Variants in DAB1 observed in about 807,000 individuals in gnomAD.
DAB1 encodes DAB adaptor protein 1.
A neutral mutation model predicts 64.6 loss-of-function variants in DAB1; 15 were observed. The observed-to-expected ratio is 0.23, with a 90% CI of 0.16 to 0.36. The LOEUF (loss-of-function observed/expected upper bound fraction) is 0.36, where lower values mean the gene tolerates loss of function less well. Among genes scored for constraint, DAB1 ranks in the 10% least tolerant of loss-of-function variants. The pLI, the probability that DAB1 is intolerant of heterozygous loss-of-function variation, is 1.00. For synonymous variants in DAB1, 235 were observed against 251.9 expected (o/e 0.93, Z 0.64); for missense variants, 596 against 706.7 (o/e 0.84, Z 1.78).
intron 7 of DAB1, among the ~76,000 whole-genome samples, chr1:57,479,337 C>A (rs1432086750): frequency 6.6e-6 from 1 of 151,438 alleles, no homozygotes; most frequent in Non-Finnish European, 1.5e-5. Flanking sequence ...GGATGCTGGT[C>A]GGTGGGACAT....
intron 7 of DAB1, among the ~76,000 whole-genome samples, chr1:57,468,460 T>C (rs922788531): frequency 1.9e-4 from 29 of 152,298 alleles, no homozygotes; most frequent in Admixed American, 5.2e-4. Context: ...ATTAAGCTAA[T>C]GAGCAATAGG....
At chr1:57,909,605 A>T (rs1644610325) in intron 5 of DAB1, among the ~76,000 whole-genome samples, 1 of 152,218 alleles carries the variant, frequency 6.6e-6, no homozygotes, top group Non-Finnish European at 1.5e-5. Flanking sequence ...TGCCCATTAC[A>T]GCTATCTACT....
At chr1:57,995,518 T>A (rs1447765002) in intron 5 of DAB1, among the ~76,000 whole-genome samples, 1 of 152,242 alleles carries the variant, frequency 6.6e-6, no homozygotes, top group Non-Finnish European at 1.5e-5. Context: ...AATGAGGCAC[T>A]CTATTTATTC....
chr1:58,480,829 A>G (rs1645466846), intron 3 of DAB1: 1 of 549,264 alleles, frequency 1.8e-6, no homozygotes, highest in East Asian at 3.1e-5. Flanking sequence ...AAGAATTTAG[A>G]TAATATCTGT....
At chr1:58,281,455 C>G (rs1271584716) in intron 4 of DAB1, among the ~76,000 whole-genome samples, 1 of 152,088 alleles carries the variant, frequency 6.6e-6, no homozygotes, top group African/African-American at 2.4e-5. Context: ...CCACTAGCAC[C>G]CCCCAATCCA....
At chr1:58,352,598 T>G (rs4912190) in intron 3 of DAB1, among the ~76,000 whole-genome samples, 76,063 of 151,922 alleles carry the variant, frequency 0.5, 19,018 homozygotes, top group East Asian at 0.59. Flanking sequence ...ACAGTAAAAA[T>G]AAACTATCGG....
intron 1 of DAB1, among the ~76,000 whole-genome samples, chr1:57,423,197 G>A (rs1297530116): frequency 6.7e-6 from 1 of 149,688 alleles, no homozygotes; most frequent in Non-Finnish European, 1.5e-5. Flanking sequence ...AGAGCGTCGA[G>A]TCTGGAGCAG....
At chr1:57,873,502 A>C (rs981099294) in intron 1 of DAB1, among the ~76,000 whole-genome samples, 1 of 152,214 alleles carries the variant, frequency 6.6e-6, no homozygotes, top group Non-Finnish European at 1.5e-5. Context: ...GAAGCCAAGT[A>C]GTTTCACAAA....
At chr1:57,979,652 A>G (rs1302118466) in intron 5 of DAB1, among the ~76,000 whole-genome samples, 1 of 152,252 alleles carries the variant, frequency 6.6e-6, no homozygotes, top group African/African-American at 2.4e-5. Context: ...ACAGGCATAT[A>G]ATGGAATGGG....
At chr1:57,663,592 G>A (rs1435943849) in intron 6 of DAB1, among the ~76,000 whole-genome samples, 1 of 151,832 alleles carries the variant, frequency 6.6e-6, no homozygotes, top group Non-Finnish European at 1.5e-5. Flanking sequence ...ATTGTCTGCG[G>A]TAATGAGAGT....
In DAB1 at chr1:58,122,013, C is replaced by G. The variant is rs538767098; in HGVS notation, n.387+28498G>C. ...GGTTGAGAAGTTCCTCTCTGTAGCA[C>G]CAAGTCAAGTCATGTAACAATATGA... is the stretch of plus-strand genomic sequence containing the variant. On this transcript the variant is annotated intron_variant and non_coding_transcript_variant, in intron 5 of 20. Transcript: ENST00000485760. Among the ~76,000 whole-genome samples the G allele has an allele frequency of 3.3e-4, 50 of 152,230 alleles. 1 individual carries two copies. In the South Asian group the frequency reaches 0.01, roughly 31 times the overall value.
At chr1:58,262,299 A>C (rs1661063819) in intron 4 of DAB1, among the ~76,000 whole-genome samples, 1 of 152,182 alleles carries the variant, frequency 6.6e-6, no homozygotes, top group Non-Finnish European at 1.5e-5. Context: ...CAGTTGAGGG[A>C]GGGGCCATCA....
At chr1:58,342,257 G>C (rs1331459549) in intron 4 of DAB1, among the ~76,000 whole-genome samples, 2 of 152,160 alleles carry the variant, frequency 1.3e-5, no homozygotes, top group Admixed American at 1.3e-4. Flanking sequence ...TTTGTAAGCA[G>C]AGGAAGCCAG....
chr1:57,645,106 C>T (rs1243344325), intron 7 of DAB1, among the ~76,000 whole-genome samples: 1 of 152,160 alleles, frequency 6.6e-6, no homozygotes, highest in African/African-American at 2.4e-5. Context: ...TGAGCAACAG[C>T]ATGTGAGTTA....
At chr1:57,637,833 T>C (rs1471367659) in intron 7 of DAB1, among the ~76,000 whole-genome samples, 1 of 152,136 alleles carries the variant, frequency 6.6e-6, no homozygotes, top group East Asian at 1.9e-4. Flanking sequence ...TCCTCATATA[T>C]AACTGATAAA....
intron 1 of DAB1, among the ~76,000 whole-genome samples, chr1:57,326,446 A>G (rs971984583): frequency 6.6e-6 from 1 of 152,174 alleles, no homozygotes; most frequent in African/African-American, 2.4e-5. Flanking sequence ...GAAAGAGGGT[A>G]TTAAACACCC....
At chr1:57,705,423 A>T (rs1036882462) in intron 6 of DAB1, among the ~76,000 whole-genome samples, 1 of 152,182 alleles carries the variant, frequency 6.6e-6, no homozygotes, top group African/African-American at 2.4e-5. Context: ...GCTACTAATA[A>T]CTATGGATTT....
chr1:57,021,464 T>C (rs766702980), intron 11 of DAB1, among the ~76,000 whole-genome samples: 1 of 152,188 alleles, frequency 6.6e-6, no homozygotes, highest in African/African-American at 2.4e-5. Flanking sequence ...CACACCGTTC[T>C]CATGGTAGTG....
intron 4 of DAB1, among the ~76,000 whole-genome samples, chr1:58,173,504 C>T (rs572036697): frequency 5.1e-4 from 78 of 152,234 alleles, no homozygotes; most frequent in African/African-American, 1.8e-3. Flanking sequence ...GCCTTCTCAT[C>T]CCCTCTTTTA....
Sources: allele counts gnomAD v4.1 joint callset (sites outside exome capture counted in the v4.1 genomes callset), GRCh38; gene constraint gnomAD v4.1.1; transcripts MANE v1.5; gene names NCBI Gene and HGNC (gene_info 2026-07-23, HGNC 2026-07-21).